The following SLC25A48 variants were observed in gnomAD, a reference collection of about 807,000 sequenced individuals.
SLC25A48 encodes CTC-321K16.1.
In SLC25A48, 29 loss-of-function variants were observed where a neutral mutation model predicts 32.2. The ratio of observed to expected loss-of-function variants is 0.90; its 90% CI spans 0.67 to 1.23. SLC25A48 has a LOEUF of 1.23. Among genes scored for constraint, SLC25A48 ranks in the 50% most tolerant of loss-of-function variants. The pLI is 0.00. For synonymous variants in SLC25A48, 164 were observed against 172.3 expected, an observed-to-expected ratio of 0.95 and a Z score of 0.38; for missense variants, 399 against 422.7, an observed-to-expected ratio of 0.94 and a Z score of 0.49.
At chr5:135,674,420 C>T (rs1753723307) in intron 3 of SLC25A48, among the ~76,000 whole-genome samples, 1 of 152,052 alleles carries the variant, frequency 6.6e-6, no homozygotes, top group Admixed American at 6.5e-5. Flanking sequence ...TAACCAATCT[C>T]TCCTTATTAC....
chr5:135,625,414 A>G lies in SLC25A48; in HGVS notation c.-848-3823A>G, dbSNP rs73789299. 9.2e-3 allele frequency among the ~76,000 whole-genome samples: 1,407 copies of G among 152,180 alleles called. 25 individuals are homozygous for G. Among genetic ancestry groups the G allele is most frequent in the African/African-American group, 0.032 (1,335 of 41,522 alleles). ...GCAGTCCCTCCTTGGGACTGGAGGAAGTCACAGTTCCTCACTGAGAGGTGA... is the reference window on the plus strand; with the variant it reads ...GCAGTCCCTCCTTGGGACTGGAGGAGGTCACAGTTCCTCACTGAGAGGTGA... On this transcript the variant is annotated intron_variant, in intron 1 of 10. Transcript: ENST00000646290.
chr5:135,785,753 T>G (rs1756826512), intron 3 of SLC25A48, among the ~76,000 whole-genome samples: 27 of 132,976 alleles, frequency 2.0e-4, no homozygotes, highest in South Asian at 7.4e-4. Context: ...GGGGCGGGGG[T>G]GAAACATCCC....
chr5:135,601,102 C>A (rs1412330671), intron 1 of SLC25A48: 1 of 152,182 alleles, frequency 6.6e-6, no homozygotes, highest in African/African-American at 2.4e-5. Flanking sequence ...CCACAGAAGA[C>A]ACTGAAGAGT....
intron 3 of SLC25A48, among the ~76,000 whole-genome samples, chr5:135,773,031 G>T (rs893143680): frequency 6.6e-6 from 1 of 151,146 alleles, no homozygotes; most frequent in African/African-American, 2.4e-5. Flanking sequence ...ATCGCAGGGG[G>T]TGTACACTTC....
At chr5:135,743,365 C>T (rs941423708) in intron 3 of SLC25A48, among the ~76,000 whole-genome samples, 3 of 151,916 alleles carry the variant, frequency 2.0e-5, no homozygotes, top group Admixed American at 6.6e-5. Context: ...AGCCACTACG[C>T]TCAGCCTGGA....
intron 4 of SLC25A48, among the ~76,000 whole-genome samples, chr5:135,864,749 C>T (rs566744710): frequency 6.6e-6 from 1 of 152,372 alleles, no homozygotes; most frequent in African/African-American, 2.4e-5. Flanking sequence ...AGTTACCAGA[C>T]ATTAATGATA....
At chr5:135,624,115 G>A (rs368053995) in intron 1 of SLC25A48, among the ~76,000 whole-genome samples, 1 of 152,220 alleles carries the variant, frequency 6.6e-6, no homozygotes, top group East Asian at 1.9e-4. Flanking sequence ...TCTGTCTTCA[G>A]CCTTCTAGTG....
chr5:135,834,110 G>C (rs1429185282), upstream of SLC25A48, among the ~76,000 whole-genome samples: 1 of 152,228 alleles, frequency 6.6e-6, no homozygotes, highest in Non-Finnish European at 1.5e-5. Flanking sequence ...CAGTGAGCAC[G>C]GACCCCTGGC....
intron 3 of SLC25A48, among the ~76,000 whole-genome samples, chr5:135,743,156 C>T (rs1014293413): frequency 1.4e-5 from 2 of 137,982 alleles, no homozygotes; most frequent in African/African-American, 5.5e-5. Flanking sequence ...TCACTGCAAC[C>T]CACCTCCTGG....
intron 3 of SLC25A48, among the ~76,000 whole-genome samples, chr5:135,734,628 C>A (rs919662600): frequency 6.6e-6 from 1 of 151,534 alleles, no homozygotes; most frequent in African/African-American, 2.4e-5. Flanking sequence ...GAGATCGAGA[C>A]CACAGTGAAA....
At chr5:135,828,302 C>A (rs955192004) in intron 4 of SLC25A48, among the ~76,000 whole-genome samples, 2 of 152,198 alleles carry the variant, frequency 1.3e-5, no homozygotes, top group African/African-American at 2.4e-5. Flanking sequence ...CAGGTCATAA[C>A]GATGGAGAGA....
chr5:135,603,589 G>T (rs1751854713), intron 1 of SLC25A48, among the ~76,000 whole-genome samples: 2 of 152,310 alleles, frequency 1.3e-5, no homozygotes, highest in South Asian at 4.2e-4. Flanking sequence ...CCAGCTCAGG[G>T]CCCTGGGGAG....
intron 1 of SLC25A48, among the ~76,000 whole-genome samples, chr5:135,603,859 A>AGTGGGGG (rs111537242): frequency 5.1e-4 from 77 of 151,026 alleles, no homozygotes; most frequent in Non-Finnish European, 1.1e-3. Context: ...TCCACTGTGA[A>AGTGGGGG]GTGGGAGGTG....
At chr5:135,681,734 C>G (rs1753901962) in intron 3 of SLC25A48, among the ~76,000 whole-genome samples, 1 of 152,096 alleles carries the variant, frequency 6.6e-6, no homozygotes, top group South Asian at 2.1e-4. Context: ...CAATTTAATC[C>G]TTTTGCAGCT....
intron 3 of SLC25A48, among the ~76,000 whole-genome samples, chr5:135,715,705 G>C (rs757231852): frequency 6.6e-6 from 1 of 152,196 alleles, no homozygotes; most frequent in Non-Finnish European, 1.5e-5. Flanking sequence ...CTACTAATCC[G>C]TCAGCTCTAT....
intron 3 of SLC25A48, chr5:135,653,953 G>GA: frequency 4.4e-6 from 2 of 456,148 alleles, no homozygotes; most frequent in Non-Finnish European, 8.8e-6. Context: ...GGAAGCTTTG[G>GA]ATGGTGGTGA....
chr5:135,869,179 G>T (rs1484716961), intron 4 of SLC25A48, among the ~76,000 whole-genome samples: 1 of 151,940 alleles, frequency 6.6e-6, no homozygotes, highest in Admixed American at 6.6e-5. Flanking sequence ...CAAATAAAAA[G>T]TTTTTTCAAA....
chr5:135,729,797 C>T lies in SLC25A48; in HGVS notation c.-520-82726C>T, dbSNP rs961941024. ...TCTCATCTAAAAGTAATAGGAAGTACATTTTATATAAAATTTGTGTTAAAG... is the reference window on the plus strand; with the variant it reads ...TCTCATCTAAAAGTAATAGGAAGTATATTTTATATAAAATTTGTGTTAAAG... On this transcript the variant is annotated intron_variant, in intron 3 of 10. Transcript: ENST00000646290. Among the ~76,000 whole-genome samples the T allele has an allele frequency of 2.0e-5, 3 of 152,120 alleles. No individual in the cohort carries two copies. In the South Asian group the frequency reaches 6.2e-4, roughly 31 times the overall value.
Position 135,627,001 on chromosome 5 carries a change from C to G in SLC25A48, c.-848-2236C>G, listed in dbSNP as rs6862179. On this transcript the variant is annotated intron_variant, in intron 1 of 10. Transcript: ENST00000646290. ...GCCCCACTTATGGCCTGGCTTGGCACAGGAGGTGGGAGCCTGGGGAGAAAG... is the reference window on the plus strand; with the variant it reads ...GCCCCACTTATGGCCTGGCTTGGCAGAGGAGGTGGGAGCCTGGGGAGAAAG... Among the ~76,000 whole-genome samples, 6 of 152,276 alleles carry G rather than the reference C, an allele frequency of 3.9e-5. No individual in the cohort carries two copies. The East Asian group carries it at 1.2e-3, about 29-fold the overall frequency.
Sources: allele counts gnomAD v4.1 joint callset (sites outside exome capture counted in the v4.1 genomes callset), GRCh38; gene constraint gnomAD v4.1.1; transcripts MANE v1.5; gene names NCBI Gene and HGNC (gene_info 2026-07-23, HGNC 2026-07-21).